AACS: variants seen among roughly 807,000 people sequenced by gnomAD.
AACS encodes acetoacetate-CoA ligase.
AACS carries 69 observed loss-of-function variants against 83.1 expected under a neutral mutation model. That is an observed-to-expected ratio of 0.83 (90% confidence interval 0.68 to 1.01). The LOEUF (loss-of-function observed/expected upper bound fraction) is 1.01, where lower values mean the gene tolerates loss of function less well. Among genes scored for constraint, AACS ranks in the 50% least tolerant of loss-of-function variants. AACS has a pLI of 0.00. For missense variants in AACS, 866 were observed against 882.2 expected, an observed-to-expected ratio of 0.98 and a Z score of 0.23; for synonymous variants, 333 against 343.4, an observed-to-expected ratio of 0.97 and a Z score of 0.33.
intron 2 of AACS, among the ~76,000 whole-genome samples, chr12:125,075,526 A>G (rs1332437139): frequency 6.7e-6 from 1 of 149,806 alleles, no homozygotes; most frequent in Admixed American, 6.6e-5. Flanking sequence ...TCCTGACCTC[A>G]GGTGATCCGC....
At chr12:125,133,964 TCTC>T in intron 14 of AACS, 36 bp from the exon 15 acceptor site, 1 of 1,611,992 alleles carries the variant, frequency 6.2e-7, no homozygotes, top group Non-Finnish European at 8.5e-7. Flanking sequence ...CATGGCCCCT[TCTC>T]CTCGGGATGA....
chr12:125,065,838 G>A lies in AACS; in HGVS notation c.133+121G>A, dbSNP rs961717504. 11 of 1,358,222 alleles carry A rather than the reference G, an allele frequency of 8.1e-6. No individual in the cohort carries two copies. In the East Asian group the frequency reaches 3.0e-4, roughly 38 times the overall value. The allele number at this position is 1,358,222 out of a possible 1,614,324, so 84.1% of individuals were successfully genotyped here. A position where few individuals can be genotyped will look rare whatever the true frequency, so the allele number is the denominator to read the frequency against. On this transcript the variant is annotated intron_variant, in intron 1 of 17. Transcript: ENST00000316519. ...GGCTGGAGGAGCCACTTGATGGCGGGGAGGCCTTCTGACTGCGGGGTTCCC... is the reference window on the plus strand; with the variant it reads ...GGCTGGAGGAGCCACTTGATGGCGGAGAGGCCTTCTGACTGCGGGGTTCCC...
At chr12:125,119,604 T>G (rs1257151068) in intron 10 of AACS, among the ~76,000 whole-genome samples, 1 of 152,126 alleles carries the variant, frequency 6.6e-6, no homozygotes, top group African/African-American at 2.4e-5. Context: ...TATAAAACCA[T>G]CAGATCTTGT....
In AACS at chr12:125,118,820, C is replaced by T. The variant is rs111715442; in HGVS notation, c.1121+55C>T. ...AGGGACAGGCAGCACCAGGAAGGCTCCTTGGGATCAGATGCAGAGCTGTGC... is the reference window on the plus strand; with the variant it reads ...AGGGACAGGCAGCACCAGGAAGGCTTCTTGGGATCAGATGCAGAGCTGTGC... On this transcript the variant is annotated intron_variant, in intron 10 of 17. Coordinates refer to ENST00000316519, the MANE Select transcript of AACS (RefSeq NM_023928.5). The T allele has an allele frequency of 3.4e-4, 550 of 1,601,174 alleles. 5 individuals are homozygous for T. The African/African-American group carries it at 5.7e-3, about 17-fold the overall frequency.
At chr12:125,138,609 A>G (rs77054400) in intron 17 of AACS, 1 of 152,242 alleles carries the variant, frequency 6.6e-6, no homozygotes, top group African/African-American at 2.4e-5. Flanking sequence ...TAGTGGAACA[A>G]TTTATTATGA....
intron 1 of AACS, among the ~76,000 whole-genome samples, chr12:125,073,503 C>A (rs1396719258): frequency 2.6e-5 from 4 of 152,192 alleles, no homozygotes; most frequent in Non-Finnish European, 1.5e-5. Flanking sequence ...TCACAACAGC[C>A]CTGTGGCTGG....
chr12:125,081,447 T>G (rs1217932069), intron 3 of AACS, among the ~76,000 whole-genome samples: 2 of 152,228 alleles, frequency 1.3e-5, no homozygotes, highest in Admixed American at 1.3e-4. Flanking sequence ...TTTAAGATCA[T>G]TGTGCTTCGT....
chr12:125,086,857 G>A (rs534968291), intron 4 of AACS, among the ~76,000 whole-genome samples: 11 of 151,922 alleles, frequency 7.2e-5, no homozygotes, highest in African/African-American at 2.4e-4. Context: ...ATTCAATACG[G>A]GCTTGCTGGA....
intron 8 of AACS, among the ~76,000 whole-genome samples, chr12:125,107,918 A>G (rs1956869211): frequency 6.6e-6 from 1 of 152,168 alleles, no homozygotes; most frequent in Admixed American, 6.5e-5. Context: ...AGCTGAGATC[A>G]TGCCACTGCA....
At chr12:125,131,696 A>C (rs1375953004) in intron 14 of AACS, among the ~76,000 whole-genome samples, 4 of 151,766 alleles carry the variant, frequency 2.6e-5, no homozygotes, top group Non-Finnish European at 5.9e-5. Context: ...CAGTGGCACG[A>C]TCTCAGCTTC....
intron 3 of AACS, among the ~76,000 whole-genome samples, chr12:125,083,211 G>A (rs1956243176): frequency 6.6e-6 from 1 of 152,212 alleles, no homozygotes; most frequent in Non-Finnish European, 1.5e-5. Context: ...GTGTGCCCAC[G>A]TGGCTGTTGG....
chr12:125,102,050 C>A (rs1956718946), intron 5 of AACS: 1 of 146,844 alleles, frequency 6.8e-6, no homozygotes, highest in Non-Finnish European at 1.5e-5. Flanking sequence ...CAGGTGTAAG[C>A]CACCATGCTT....
At chr12:125,079,199 G>C (rs1477038242) in intron 3 of AACS, among the ~76,000 whole-genome samples, 1 of 152,140 alleles carries the variant, frequency 6.6e-6, no homozygotes, top group African/African-American at 2.4e-5. Flanking sequence ...CAGGAAGGCT[G>C]AGCTGGGGGG....
rs751887386 is a variant in AACS, at chr12:125,134,056, G to A, written c.1603G>A (p.Val535Ile). The A allele has an allele frequency of 3.1e-6, 5 of 1,613,908 alleles. No homozygotes were observed. The highest frequency in any genetic ancestry group is 1.7e-5 in the Admixed American group (1 of 59,996). ...AATCAACCCCAAGACCGGGGGCATC[G>A]TCATGCTTGGCCGGAGGTAAGGGCT... ...CRINPKTGGI[V>I]MLGRSDGTLN... Residue 535 changes from valine to isoleucine, a missense_variant, in exon 15 of 18, where the codon GTC (valine) becomes ATC (isoleucine). Transcript: ENST00000316519.
Position 125,065,447 on chromosome 12 carries a change from C to G in AACS, c.-138C>G, listed in dbSNP as rs1469115502. 1.0e-6 allele frequency: 1 copy of G among 975,774 alleles called. No individual in the cohort carries two copies. Among genetic ancestry groups the G allele is most frequent in the African/African-American group, 1.7e-5 (1 of 57,596 alleles). The allele number at this position is 975,774 out of a possible 1,614,324, so 60.4% of individuals were successfully genotyped here. On this transcript the variant is annotated 5_prime_UTR_variant, in exon 1 of 18. Coordinates refer to ENST00000316519, the MANE Select transcript of AACS (RefSeq NM_023928.5). ...GCGGCGGCCGTTCAGTCCCTTGTTC[C>G]CCGCCGCCGCCGTCGCTGACCCAGC... is the stretch of plus-strand genomic sequence containing the variant.
intron 5 of AACS, among the ~76,000 whole-genome samples, chr12:125,093,807 G>C (rs1956543630): frequency 6.6e-6 from 1 of 152,246 alleles, no homozygotes; most frequent in Non-Finnish European, 1.5e-5. Context: ...TCCTGCCGGA[G>C]ACGGGGGTGT....
intron 17 of AACS, among the ~76,000 whole-genome samples, 172 bp from the exon 18 acceptor site, chr12:125,141,920 C>G (rs964526800): frequency 6.6e-6 from 1 of 152,096 alleles, no homozygotes; most frequent in Non-Finnish European, 1.5e-5. Context: ...GTTCACCGTA[C>G]TTCGGTGCAC....
Position 125,142,272 on chromosome 12 carries a change from T to C in AACS, c.*43T>C. The C allele has an allele frequency of 6.3e-7, 1 of 1,596,110 alleles. No individual in the cohort carries two copies. The highest frequency in any genetic ancestry group is 1.7e-5 in the Admixed American group (1 of 57,206). ...GTCACTCAGCCGCACCCGTGTGCAC[T>C]GTAACTTTTGTGTGCTCAAGAAATT... On this transcript the variant is annotated 3_prime_UTR_variant, in exon 18 of 18. Coordinates refer to ENST00000316519, the MANE Select transcript of AACS (RefSeq NM_023928.5).
At chr12:125,115,260 GTTT>G (rs1160254486) in intron 9 of AACS, among the ~76,000 whole-genome samples, 3 of 132,900 alleles carry the variant, frequency 2.3e-5, no homozygotes, top group African/African-American at 5.5e-5. Flanking sequence ...TCTGTGCTGA[GTTT>G]TTTTTTTTTT....
Sources: allele counts gnomAD v4.1 joint callset (sites outside exome capture counted in the v4.1 genomes callset), GRCh38; gene constraint gnomAD v4.1.1; transcripts MANE v1.5; gene names NCBI Gene and HGNC (gene_info 2026-07-23, HGNC 2026-07-21).